The following WAPL variants were observed in gnomAD, a reference collection of about 807,000 sequenced individuals.
WAPL encodes wings apart-like protein homolog.
Under a neutral mutation model 121.0 loss-of-function variants are expected in WAPL, and 5 were observed. That is an observed-to-expected ratio of 0.04 (90% confidence interval 0.02 to 0.09). The LOEUF (loss-of-function observed/expected upper bound fraction) is 0.09, where lower values mean the gene tolerates loss of function less well. Among genes scored for constraint, WAPL ranks in the 10% least tolerant of loss-of-function variants. WAPL has a pLI of 1.00. For synonymous variants in WAPL, 480 were observed against 481.5 expected, an observed-to-expected ratio of 1.00 and a Z score of 0.04; for missense variants, 999 against 1,410.8, an observed-to-expected ratio of 0.71 and a Z score of 4.68.
intron 2 of WAPL, among the ~76,000 whole-genome samples, chr10:86,506,338 T>C (rs924462750): frequency 2.0e-5 from 3 of 152,256 alleles, no homozygotes; most frequent in Non-Finnish European, 4.4e-5. Context: ...TTCTATTTCC[T>C]AACTTAGGTA....
chr10:86,461,107 T>A (rs1340364293), intron 10 of WAPL, 69 bp downstream of exon 10: 1 of 1,130,238 alleles, frequency 8.8e-7, no homozygotes, highest in African/African-American at 1.6e-5. Flanking sequence ...TTTTTTGAAG[T>A]ACGTCAATGG....
Position 86,472,471 on chromosome 10 carries a change from C to A in WAPL, c.1894-127G>T. The A allele has an allele frequency of 6.7e-7, 1 of 1,500,176 alleles. No individual in the cohort carries two copies. Among genetic ancestry groups the A allele is most frequent in the South Asian group, 1.3e-5 (1 of 77,694 alleles). The allele number at this position is 1,500,176 out of a possible 1,614,324, so 92.9% of individuals were successfully genotyped here. A position where few individuals can be genotyped will look rare whatever the true frequency, so the allele number is the denominator to read the frequency against. On this transcript the variant is annotated intron_variant, in intron 6 of 18. Transcript: ENST00000298767. This position sits in a 1 kb window ranked among gnomAD's most constrained non-coding sequence, Gnocchi z 4.2. ...GATGGCAACAAAAATATTTTTAGAACAAGGATGATGGTAGGACAAAAGAAG... is the reference window on the plus strand; with the variant it reads ...GATGGCAACAAAAATATTTTTAGAAAAAGGATGATGGTAGGACAAAAGAAG...
intron 12 of WAPL, among the ~76,000 whole-genome samples, chr10:86,458,639 T>C (rs1169887388): frequency 1.3e-5 from 2 of 152,176 alleles, no homozygotes; most frequent in Admixed American, 1.3e-4. Flanking sequence ...TATACACATA[T>C]TTTTAAATAT....
At chr10:86,477,614 C>A (rs1345861701) in intron 4 of WAPL, among the ~76,000 whole-genome samples, 1 of 152,098 alleles carries the variant, frequency 6.6e-6, no homozygotes, top group Non-Finnish European at 1.5e-5. Context: ...ACCAGCCTAA[C>A]CAACATGGTG....
intron 4 of WAPL, among the ~76,000 whole-genome samples, chr10:86,484,833 C>G (rs1841893413): frequency 6.6e-6 from 1 of 151,866 alleles, no homozygotes. Context: ...TACCATATAG[C>G]CTAGGTGTGT....
At chr10:86,466,361 G>A (rs562748570) in intron 9 of WAPL, among the ~76,000 whole-genome samples, 69 of 152,298 alleles carry the variant, frequency 4.5e-4, no homozygotes, top group African/African-American at 1.6e-3. Context: ...TTGAGCCCAG[G>A]AGTTCAAAAC....
At chr10:86,470,168 G>A (rs993740979) in intron 8 of WAPL, among the ~76,000 whole-genome samples, 8 of 151,970 alleles carry the variant, frequency 5.3e-5, no homozygotes, top group African/African-American at 1.7e-4. Context: ...AAGTAGCTGG[G>A]ATTACAGGTG....
At chr10:86,517,234 A>T (rs914083024) in intron 2 of WAPL, among the ~76,000 whole-genome samples, 5 of 152,184 alleles carry the variant, frequency 3.3e-5, no homozygotes, top group African/African-American at 1.2e-4. Context: ...CATTATCAAT[A>T]ACCATCCAAA....
At chr10:86,445,745 C>T (rs909897044) in intron 16 of WAPL, among the ~76,000 whole-genome samples, 5 of 152,032 alleles carry the variant, frequency 3.3e-5, no homozygotes, top group African/African-American at 9.7e-5. Flanking sequence ...TCTCAAACTC[C>T]TAGCCTCAAG....
At chr10:86,507,275 G>A (rs1842369764) in intron 2 of WAPL, among the ~76,000 whole-genome samples, 1 of 142,870 alleles carries the variant, frequency 7.0e-6, no homozygotes, top group South Asian at 2.2e-4. Context: ...GGATGAGGCA[G>A]GAGAATCGCT....
rs2132193710 is a variant in WAPL, at chr10:86,473,075, A to C, written c.1741-311T>G. 1.3e-5 allele frequency among the ~76,000 whole-genome samples: 2 copies of C among 152,308 alleles called. 1 individual carries two copies. The highest frequency in any genetic ancestry group is 4.1e-4 in the South Asian group (2 of 4,830). ...GACTAAAGAACCACAACTGCATGCA[A>C]AAATAGCTTTCATAAGCAGAAAGGG... On this transcript the variant is annotated intron_variant, in intron 5 of 18. Coordinates refer to ENST00000298767, the MANE Select transcript of WAPL (RefSeq NM_015045.5).
At chr10:86,462,889 A>G (rs1017298625) in intron 9 of WAPL, among the ~76,000 whole-genome samples, 1 of 152,204 alleles carries the variant, frequency 6.6e-6, no homozygotes, top group Admixed American at 6.5e-5. Flanking sequence ...GCAAAGCTGA[A>G]GCCTAATGAG....
At chr10:86,437,838 T>C (rs1849363130) in intron 18 of WAPL, 82 bp downstream of exon 18, 2 of 1,153,444 alleles carry the variant, frequency 1.7e-6, no homozygotes, top group Non-Finnish European at 1.3e-6. Flanking sequence ...TGCTCCCACT[T>C]ACTATGGCCA....
chr10:86,440,295 T>C (rs1461677038), intron 17 of WAPL, among the ~76,000 whole-genome samples: 1 of 148,778 alleles, frequency 6.7e-6, no homozygotes, highest in Non-Finnish European at 1.5e-5. Context: ...TTTCATTGCT[T>C]TTTTTTTTTT....
chr10:86,446,217 A>C, intron 16 of WAPL, 25 bp downstream of exon 16: 1 of 1,610,772 alleles, frequency 6.2e-7, no homozygotes, highest in African/African-American at 1.3e-5. Context: ...CTTCAATTTA[A>C]ATACACCATT....
intron 4 of WAPL, among the ~76,000 whole-genome samples, chr10:86,486,223 A>G (rs1006800938): frequency 2.0e-5 from 3 of 152,206 alleles, no homozygotes; most frequent in African/African-American, 7.2e-5. Flanking sequence ...ACACTGGGTA[A>G]AACTGTTCTG....
At chr10:86,455,125 C>T (rs1487761680) in intron 12 of WAPL, among the ~76,000 whole-genome samples, 15 of 147,394 alleles carry the variant, frequency 1.0e-4, no homozygotes, top group African/African-American at 3.2e-4. Flanking sequence ...TGCCTCTGCC[C>T]GGCCACCCCG....
intron 4 of WAPL, among the ~76,000 whole-genome samples, chr10:86,479,793 T>C (rs1365262897): frequency 1.3e-5 from 2 of 152,156 alleles, no homozygotes; most frequent in African/African-American, 4.8e-5. Context: ...CACAGTACTT[T>C]AGCGGCAATT....
intron 4 of WAPL, among the ~76,000 whole-genome samples, chr10:86,486,750 C>A (rs112962332): frequency 1.5e-4 from 23 of 152,148 alleles, no homozygotes; most frequent in Non-Finnish European, 3.1e-4. Flanking sequence ...GACTCAGGAG[C>A]CCGAGACTAG....
Sources: gnomAD v4.1 joint callset for allele counts (sites outside exome capture counted in the v4.1 genomes callset) on GRCh38, gnomAD v4.1.1 for gene constraint, Gnocchi (gnomAD v3.1) non-coding constraint, MANE v1.5 for transcripts, NCBI Gene and HGNC (gene_info 2026-07-23, HGNC 2026-07-21) for gene names.